BTG4: variants seen among roughly 807,000 people sequenced by gnomAD.
The protein encoded by BTG4 is protein BTG4.
A neutral mutation model predicts 19.3 loss-of-function variants in BTG4; 10 were observed. The observed-to-expected ratio is 0.52, with a 90% CI of 0.32 to 0.88. BTG4 has a LOEUF of 0.88. Among genes scored for constraint, BTG4 ranks in the 40% least tolerant of loss-of-function variants. The pLI is 0.04. For synonymous variants in BTG4, 91 were observed against 95.7 expected (o/e 0.95, Z 0.29); for missense variants, 238 against 281.9 (o/e 0.84, Z 1.11).
chr11:111,404,172 C>T, the BTG4 span, among the ~76,000 whole-genome samples: 1 of 152,134 alleles, frequency 6.6e-6, no homozygotes, highest in African/African-American at 2.4e-5. Context: ...CTTTTCTTGC[C>T]TGCCACCATG....
intron 5 of BTG4, among the ~76,000 whole-genome samples, chr11:111,469,014 C>G (rs916813884): frequency 1.3e-5 from 2 of 152,214 alleles, no homozygotes; most frequent in Non-Finnish European, 2.9e-5. Context: ...GAGCAAATGA[C>G]TTATTCAGAG....
intron 5 of BTG4, among the ~76,000 whole-genome samples, chr11:111,488,755 A>T (rs1865216639): frequency 6.6e-6 from 1 of 152,194 alleles, no homozygotes; most frequent in South Asian, 2.1e-4. Context: ...TAGGGAAAAA[A>T]ATTCAATTTT....
At chr11:111,466,780 T>C (rs1399364289), downstream of BTG4, 2 of 152,670 alleles carry the variant, frequency 1.3e-5, no homozygotes, top group African/African-American at 4.8e-5. Context: ...CCTCAGACAC[T>C]GCAGAAGGAA....
intron 5 of BTG4, among the ~76,000 whole-genome samples, chr11:111,478,034 G>A (rs1488187953): frequency 2.6e-5 from 4 of 151,924 alleles, no homozygotes; most frequent in Non-Finnish European, 4.4e-5. Context: ...TCCACCTCAT[G>A]GTATCAGTAG....
chr11:111,392,178 T>C, the BTG4 span, among the ~76,000 whole-genome samples: 2 of 115,510 alleles, frequency 1.7e-5, no homozygotes, highest in Non-Finnish European at 3.7e-5. Context: ...TCTTTTTTTT[T>C]TTTTTTTTTT....
chr11:111,434,566 A>G, the BTG4 span, among the ~76,000 whole-genome samples: 12 of 137,990 alleles, frequency 8.7e-5, no homozygotes, highest in African/African-American at 3.7e-4. Context: ...AAAAATAATA[A>G]TAAATTTTAA....
the BTG4 span, among the ~76,000 whole-genome samples, chr11:111,406,167 T>C: frequency 6.6e-6 from 1 of 152,178 alleles, no homozygotes; most frequent in African/African-American, 2.4e-5. Context: ...CACACTAATG[T>C]TCTTTTGTTT....
the BTG4 span, among the ~76,000 whole-genome samples, chr11:111,427,225 G>A: frequency 6.6e-6 from 1 of 152,200 alleles, no homozygotes; most frequent in Non-Finnish European, 1.5e-5. Context: ...GAGACTAGAG[G>A]AAAGGTGAGA....
At chr11:111,511,151 T>C (rs1460193384) in intron 1 of BTG4, among the ~76,000 whole-genome samples, 1 of 152,238 alleles carries the variant, frequency 6.6e-6, no homozygotes, top group East Asian at 1.9e-4. Flanking sequence ...CAAAATACAG[T>C]TATTGTAGAT....
the BTG4 span, among the ~76,000 whole-genome samples, chr11:111,411,349 G>A: frequency 6.6e-6 from 1 of 152,082 alleles, no homozygotes; most frequent in Non-Finnish European, 1.5e-5. Flanking sequence ...GGCCAACCAT[G>A]GTCCTGCTTA....
intron 5 of BTG4, among the ~76,000 whole-genome samples, chr11:111,485,535 AT>A (rs1172456261): frequency 1.9e-4 from 29 of 152,192 alleles, no homozygotes; most frequent in Non-Finnish European, 5.9e-5. Flanking sequence ...TTAAGAGAAT[AT>A]AAAAATGTAT....
the BTG4 span, among the ~76,000 whole-genome samples, chr11:111,412,479 G>A: frequency 5.9e-5 from 9 of 152,326 alleles, no homozygotes; most frequent in Non-Finnish European, 1.2e-4. Flanking sequence ...CTTTGATGCT[G>A]ACACGGCTTT....
chr11:111,393,454 C>T, the BTG4 span, among the ~76,000 whole-genome samples: 7 of 152,246 alleles, frequency 4.6e-5, no homozygotes, highest in African/African-American at 1.4e-4. Context: ...CACTGAAGAC[C>T]GGTGGTAGCT....
intron 1 of BTG4, among the ~76,000 whole-genome samples, chr11:111,503,944 T>C (rs530252965): frequency 1.3e-5 from 2 of 152,200 alleles, no homozygotes; most frequent in Admixed American, 6.5e-5. Flanking sequence ...AAAATAGTTA[T>C]GCTTATAAAA....
chr11:111,449,807 CTG>C, the BTG4 span: 2 of 152,330 alleles, frequency 1.3e-5, no homozygotes, highest in African/African-American at 4.8e-5. Flanking sequence ...GTGCAGCCCT[CTG>C]TGCCCAGAGA....
downstream of BTG4, among the ~76,000 whole-genome samples, chr11:111,493,003 G>A (rs558339750): frequency 9.9e-5 from 15 of 152,162 alleles, no homozygotes; most frequent in Admixed American, 2.0e-4. Flanking sequence ...AAAATTACCC[G>A]GGCATGGGGG....
the BTG4 span, among the ~76,000 whole-genome samples, chr11:111,419,354 C>T: frequency 1.3e-5 from 2 of 152,186 alleles, no homozygotes; most frequent in Non-Finnish European, 2.9e-5. Flanking sequence ...ACTGACAACC[C>T]TAGAGATACA....
At chr11:111,406,590 G>GA in the BTG4 span, among the ~76,000 whole-genome samples, 1 of 152,102 alleles carries the variant, frequency 6.6e-6, no homozygotes, top group Non-Finnish European at 1.5e-5. Context: ...TTCCCTGGGG[G>GA]AAAAAACATC....
chr11:111,473,293 C>T (rs1029578160), intron 5 of BTG4: 1 of 152,602 alleles, frequency 6.6e-6, no homozygotes, highest in Non-Finnish European at 1.5e-5. Flanking sequence ...CTTCCACATT[C>T]TCTACAGTAT....
Sources: allele counts gnomAD v4.1 joint callset (sites outside exome capture counted in the v4.1 genomes callset), GRCh38; gene constraint gnomAD v4.1.1; transcripts MANE v1.5; gene names NCBI Gene and HGNC (gene_info 2026-07-23, HGNC 2026-07-21).